The following TXNRD1 variants were observed in gnomAD, a reference collection of about 807,000 sequenced individuals.
TXNRD1 encodes the protein thioredoxin reductase 1, cytoplasmic.
In TXNRD1, 57 loss-of-function variants were observed where a neutral mutation model predicts 80.3. That is an observed-to-expected ratio of 0.71 (90% confidence interval 0.57 to 0.89). The LOEUF is 0.89. TXNRD1 is among the 40% of genes least tolerant of loss of function. The pLI is 0.00. For synonymous variants in TXNRD1, 291 were observed against 285.2 expected (o/e 1.02, Z -0.20); for missense variants, 730 against 803.0 (o/e 0.91, Z 1.10).
intron 3 of TXNRD1, among the ~76,000 whole-genome samples, chr12:104,269,652 C>T (rs1286766808): frequency 1.3e-5 from 2 of 152,014 alleles, no homozygotes; most frequent in East Asian, 3.9e-4. Flanking sequence ...ACAGTAACCT[C>T]TGCCTCCCAG....
At chr12:104,336,695 A>C (rs916469804) in intron 15 of TXNRD1, among the ~76,000 whole-genome samples, 2 of 152,218 alleles carry the variant, frequency 1.3e-5, no homozygotes, top group Non-Finnish European at 2.9e-5. Flanking sequence ...TCATATATGC[A>C]GTTTATAACA....
At chr12:104,229,631 C>T (rs374354166) in intron 1 of TXNRD1, among the ~76,000 whole-genome samples, 3 of 131,440 alleles carry the variant, frequency 2.3e-5, no homozygotes, top group Non-Finnish European at 3.3e-5. Flanking sequence ...CTCACCCTGT[C>T]GCCCAGGCTG....
intron 1 of TXNRD1, among the ~76,000 whole-genome samples, chr12:104,244,881 G>T (rs2032943054): frequency 6.6e-6 from 1 of 152,236 alleles, no homozygotes; most frequent in Non-Finnish European, 1.5e-5. Flanking sequence ...TTGCAGCTTA[G>T]GCTTGGGAGA....
At chr12:104,323,731 C>A (rs1465069395) in intron 10 of TXNRD1, among the ~76,000 whole-genome samples, 1 of 134,848 alleles carries the variant, frequency 7.4e-6, no homozygotes, top group African/African-American at 2.8e-5. Flanking sequence ...CAGAGGGGCT[C>A]CTCACTTCCC....
chr12:104,221,975 G>A (rs1274531405), intron 1 of TXNRD1, among the ~76,000 whole-genome samples: 1 of 152,182 alleles, frequency 6.6e-6, no homozygotes. Context: ...ATGCTGTACA[G>A]ACAGGGCAAT....
chr12:104,252,690 ATTTTTTTTTTTTTTTTTTTT>A (rs869239974), intron 2 of TXNRD1, among the ~76,000 whole-genome samples: 1 of 39,650 alleles, frequency 2.5e-5, no homozygotes, highest in African/African-American at 1.2e-4. Context: ...ATATATATAT[ATTTTTTTTTTTTTTTTTTTT>A]TTTTTTTTTT....
rs60817773 is a variant in TXNRD1, at chr12:104,294,233, G to GGT, written c.414+5193_414+5194insGT. ...CTTCTCTAAACTCCCCCGGGGAAAG[G>GGT]CCCCCCCCCCCGCCGCCGGCTTTCC... is the stretch of plus-strand genomic sequence containing the variant. On this transcript the variant is annotated intron_variant, in intron 4 of 16. Coordinates refer to ENST00000525566, the MANE Select transcript of TXNRD1 (RefSeq NM_001093771.3). Among the ~76,000 whole-genome samples, 59 of 68,878 alleles carry GGT rather than the reference G, an allele frequency of 8.6e-4. 16 individuals are homozygous for GGT. The highest frequency in any genetic ancestry group is 3.4e-3 in the African/African-American group (57 of 16,782). 45.2% of individuals were successfully genotyped at this position (68,878 alleles called of 152,430 possible).
At chr12:104,283,274 G>A (rs779710113) in intron 3 of TXNRD1, among the ~76,000 whole-genome samples, 1 of 151,506 alleles carries the variant, frequency 6.6e-6, no homozygotes, top group Non-Finnish European at 1.5e-5. Context: ...TTTTTGAGAC[G>A]GAGTCTTGCT....
intron 1 of TXNRD1, among the ~76,000 whole-genome samples, chr12:104,241,621 G>T (rs2032868669): frequency 6.6e-6 from 1 of 152,198 alleles, no homozygotes; most frequent in South Asian, 2.1e-4. Flanking sequence ...GCCCGCCTCA[G>T]CCTCCCAAAG....
intron 2 of TXNRD1, among the ~76,000 whole-genome samples, chr12:104,257,698 C>T (rs12826196): frequency 0.037 from 5,694 of 152,208 alleles, 155 homozygotes; most frequent in Middle Eastern, 0.071. Context: ...CGTGAGCCAC[C>T]GCACCCGGCC....
chr12:104,325,412 G>A lies in TXNRD1; in HGVS notation c.1291G>A (p.Glu431Lys). 1 of 1,612,180 alleles carries A rather than the reference G, an allele frequency of 6.2e-7. No homozygotes were observed. Among genetic ancestry groups the A allele is most frequent in the South Asian group, 1.1e-5 (1 of 90,690 alleles). The change falls in exon 11 of 17, where the codon GAA becomes AAA. Residue 431 changes from glutamate (E) to lysine (K), a missense_variant. Physicochemically the swap from Glu to Lys is moderately conservative, Grantham distance 56. Transcript: ENST00000525566. ...AQSTNSEEIIEGEYNTVMLAI... is the reference protein window; with the variant it reads ...AQSTNSEEIIKGEYNTVMLAI... ...GTCCACCAATAGTGAGGAAATCATT[G>A]AAGGAGAATATAATACGGTAAGGAA...
At chr12:104,302,562 T>G (rs1205054732) in intron 4 of TXNRD1, among the ~76,000 whole-genome samples, 1 of 141,850 alleles carries the variant, frequency 7.0e-6, no homozygotes, top group Non-Finnish European at 1.5e-5. Context: ...CGATCTCGGC[T>G]CACTGCAAAC....
intron 9 of TXNRD1, among the ~76,000 whole-genome samples, chr12:104,320,517 C>T (rs2035491438): frequency 6.6e-6 from 1 of 152,096 alleles, no homozygotes; most frequent in Admixed American, 6.5e-5. Flanking sequence ...ATAGCAGGCT[C>T]CCTTCCAATA....
intron 4 of TXNRD1, chr12:104,304,807 G>C (rs1228330761): frequency 4.3e-6 from 7 of 1,614,026 alleles, no homozygotes; most frequent in Non-Finnish European, 5.9e-6. Context: ...TTAACCAAAT[G>C]GGTGAGGGAA....
At chr12:104,267,120 C>T (rs1014157281) in intron 3 of TXNRD1, among the ~76,000 whole-genome samples, 8 of 148,644 alleles carry the variant, frequency 5.4e-5, no homozygotes, top group African/African-American at 2.0e-4. Context: ...GAGCCGAGAT[C>T]GCGCCACTGC....
chr12:104,303,644 G>C (rs1176667184), intron 4 of TXNRD1: 1 of 407,908 alleles, frequency 2.5e-6, no homozygotes, highest in Non-Finnish European at 4.3e-6. Flanking sequence ...CTATGAGCGA[G>C]CGCCTCGGCT....
At chr12:104,243,286 T>A (rs1373329601) in intron 1 of TXNRD1, among the ~76,000 whole-genome samples, 1 of 152,168 alleles carries the variant, frequency 6.6e-6, no homozygotes, top group Non-Finnish European at 1.5e-5. Flanking sequence ...TCCGTGTGTT[T>A]CCATAAAGAC....
chr12:104,341,192 C>T (rs2036312892), intron 16 of TXNRD1, among the ~76,000 whole-genome samples: 1 of 152,168 alleles, frequency 6.6e-6, no homozygotes, highest in Non-Finnish European at 1.5e-5. Context: ...GTATGCCTGG[C>T]ACATTTGAGG....
At chr12:104,299,796 AAG>A (rs1180385118) in intron 4 of TXNRD1, among the ~76,000 whole-genome samples, 1 of 151,990 alleles carries the variant, frequency 6.6e-6, no homozygotes, top group Non-Finnish European at 1.5e-5. Context: ...GTTAAGATGA[AAG>A]AGAAACTATA....
Sources: allele counts gnomAD v4.1 joint callset (sites outside exome capture counted in the v4.1 genomes callset), GRCh38; gene constraint gnomAD v4.1.1; transcripts MANE v1.5; gene names NCBI Gene and HGNC (gene_info 2026-07-23, HGNC 2026-07-21).